The following AGBL1 variants were observed in gnomAD, a reference collection of about 807,000 sequenced individuals.
The protein encoded by AGBL1 is cytosolic carboxypeptidase 4.
Under a neutral mutation model 118.9 loss-of-function variants are expected in AGBL1, and 130 were observed. That is an observed-to-expected ratio of 1.09 (90% CI 0.95 to 1.26). AGBL1 has a LOEUF of 1.26. Among genes scored for constraint, AGBL1 ranks in the 50% most tolerant of loss-of-function variants. AGBL1 has a pLI of 0.00. For missense variants in AGBL1, 1,584 were observed against 1,298.1 expected (o/e 1.22, Z -3.38); for synonymous variants, 555 against 478.9 (o/e 1.16, Z -2.08).
intron 22 of AGBL1, among the ~76,000 whole-genome samples, chr15:86,711,026 C>T (rs576964140): frequency 1.3e-5 from 2 of 152,166 alleles, no homozygotes; most frequent in African/African-American, 4.8e-5. Flanking sequence ...CTCACTAGAT[C>T]TAGACCCTAG....
chr15:86,731,051 A>C (rs139304829), intron 22 of AGBL1, among the ~76,000 whole-genome samples: 3 of 152,132 alleles, frequency 2.0e-5, no homozygotes, highest in African/African-American at 7.2e-5. Flanking sequence ...GGCTGGTCTC[A>C]AACTCCTGAC....
intron 19 of AGBL1, among the ~76,000 whole-genome samples, chr15:86,539,335 C>T (rs1269691785): frequency 1.3e-5 from 2 of 152,182 alleles, no homozygotes; most frequent in East Asian, 3.9e-4. Context: ...TCCATTGTCT[C>T]TAACTCCTGT....
intron 22 of AGBL1, among the ~76,000 whole-genome samples, chr15:86,679,358 G>T (rs531952826): frequency 6.6e-6 from 1 of 152,014 alleles, no homozygotes; most frequent in African/African-American, 2.4e-5. Context: ...TAAAAAATGT[G>T]TATTTTTCAC....
rs556003679 is a variant in AGBL1 at position 86,899,416 on chromosome 15, A to G, written c.3159-7671A>G. Among the ~76,000 whole-genome samples, 4 of 152,300 alleles carry G rather than the reference A, an allele frequency of 2.6e-5. No individual in the cohort carries two copies. The South Asian group carries it at 8.3e-4, about 32-fold the overall frequency. On this transcript the variant is annotated intron_variant, in intron 22 of 22. Coordinates refer to ENST00000614907, the MANE Select transcript of AGBL1 (RefSeq NM_001386094.1). ...GGTGGGGAGGAGGGAGAGGAGCAGAAAAGAGAACTATTGGGTACTGGCTTA... is the reference window on the plus strand; with the variant it reads ...GGTGGGGAGGAGGGAGAGGAGCAGAGAAGAGAACTATTGGGTACTGGCTTA...
chr15:86,953,217 T>C (rs1424006121), intron 23 of AGBL1, among the ~76,000 whole-genome samples: 2 of 152,204 alleles, frequency 1.3e-5, no homozygotes, highest in East Asian at 3.9e-4. Flanking sequence ...ATTGGTAGTG[T>C]GATAGGAACA....
intron 22 of AGBL1, among the ~76,000 whole-genome samples, chr15:86,709,073 C>T (rs753556312): frequency 1.2e-4 from 18 of 152,132 alleles, no homozygotes; most frequent in Non-Finnish European, 1.9e-4. Context: ...CACTTCACTA[C>T]GTCAAGATTA....
chr15:86,600,400 A>G (rs1196586447), intron 21 of AGBL1, among the ~76,000 whole-genome samples: 3 of 152,310 alleles, frequency 2.0e-5, no homozygotes, highest in Middle Eastern at 3.4e-3. Flanking sequence ...ATGGTACCAA[A>G]ATACCACTAC....
At chr15:86,983,541 A>G (rs950592183) in intron 23 of AGBL1, among the ~76,000 whole-genome samples, 4 of 152,122 alleles carry the variant, frequency 2.6e-5, no homozygotes, top group Non-Finnish European at 5.9e-5. Flanking sequence ...ATTTTTAAAA[A>G]CTCAGCTTTA....
intron 4 of AGBL1, among the ~76,000 whole-genome samples, chr15:86,155,894 A>G (rs946296121): frequency 2.0e-5 from 3 of 152,066 alleles, no homozygotes; most frequent in African/African-American, 7.2e-5. Flanking sequence ...TAAACAAAAG[A>G]AATGTATTTT....
At chr15:86,351,100 T>A (rs1205306055) in intron 17 of AGBL1, among the ~76,000 whole-genome samples, 1 of 152,176 alleles carries the variant, frequency 6.6e-6, no homozygotes, top group Non-Finnish European at 1.5e-5. Flanking sequence ...GCTGCTAGGC[T>A]AGGTAATTTA....
At chr15:86,310,604 G>A (rs1422035414) in intron 17 of AGBL1, among the ~76,000 whole-genome samples, 5 of 152,076 alleles carry the variant, frequency 3.3e-5, no homozygotes, top group African/African-American at 1.2e-4. Context: ...CTGTTCACTG[G>A]ATCTCAGGGG....
At chr15:86,556,487 C>A (rs911440919) in intron 21 of AGBL1, among the ~76,000 whole-genome samples, 4 of 152,182 alleles carry the variant, frequency 2.6e-5, no homozygotes, top group African/African-American at 9.7e-5. Flanking sequence ...CCTGTCCTTA[C>A]AAACATTGTT....
intron 22 of AGBL1, among the ~76,000 whole-genome samples, chr15:86,793,978 T>A (rs972001714): frequency 3.3e-5 from 5 of 152,160 alleles, no homozygotes; most frequent in Non-Finnish European, 5.9e-5. Flanking sequence ...ACAGAGAAAC[T>A]GGAAACTTAA....
intron 1 of AGBL1, among the ~76,000 whole-genome samples, chr15:86,127,532 C>T (rs994576936): frequency 1.3e-5 from 2 of 152,282 alleles, no homozygotes; most frequent in South Asian, 4.1e-4. Context: ...ATGGCATCCA[C>T]CAAAAGCAGG....
rs1369940678 is a variant in AGBL1 at position 86,746,328 on chromosome 15, C to A, written c.3158+71892C>A. On this transcript the variant is annotated intron_variant, in intron 22 of 22. Transcript: ENST00000614907. ...TTCAAACATGACATATGTCTCTTGC[C>A]TCTGAGCCTTTAACCTTGCTATTCC... Among the ~76,000 whole-genome samples, 8 of 152,232 alleles carry A rather than the reference C, an allele frequency of 5.3e-5. No individual in the cohort carries two copies. The East Asian group carries it at 1.4e-3, about 26-fold the overall frequency.
Position 86,984,364 on chromosome 15 carries a change from T to TC in AGBL1, c.3222-3623_3222-3622insC, listed in dbSNP as rs796109885. Among the ~76,000 whole-genome samples the TC allele has an allele frequency of 7.0e-3, 512 of 73,010 alleles. 3 individuals carry two copies. The highest frequency in any genetic ancestry group is 0.032 in the African/African-American group (494 of 15,336). 47.9% of individuals were successfully genotyped at this position (73,010 alleles called of 152,430 possible). A position where few individuals can be genotyped will look rare whatever the true frequency, so the allele number is the denominator to read the frequency against. ...AGATTGTTTTCCATTTTTTTCTCTCTTTTTTTTTTTTTTTCCTGGAGACAG... is the reference window on the plus strand; with the variant it reads ...AGATTGTTTTCCATTTTTTTCTCTCTCTTTTTTTTTTTTTTCCTGGAGACAG... On this transcript the variant is annotated intron_variant, in intron 23 of 24. Coordinates refer to the AGBL1 transcript ENST00000441037.
chr15:86,119,572 G>A (rs1405102538), intron 1 of AGBL1, among the ~76,000 whole-genome samples: 1 of 152,122 alleles, frequency 6.6e-6, no homozygotes, highest in Non-Finnish European at 1.5e-5. Flanking sequence ...GGGCCAGTGG[G>A]GAGGTTAAAA....
chr15:86,105,494 C>T (rs919767150), intron 1 of AGBL1, among the ~76,000 whole-genome samples: 1 of 152,148 alleles, frequency 6.6e-6, no homozygotes, highest in Non-Finnish European at 1.5e-5. Flanking sequence ...GAATTTGGAC[C>T]AGGAGGCTTC....
At chr15:86,632,640 T>C (rs892574099) in intron 21 of AGBL1, among the ~76,000 whole-genome samples, 5 of 151,912 alleles carry the variant, frequency 3.3e-5, no homozygotes, top group African/African-American at 9.7e-5. Context: ...GTTTTTTTTT[T>C]TTTTTCTTTT....
Sources: gnomAD v4.1 joint callset for allele counts (sites outside exome capture counted in the v4.1 genomes callset) on GRCh38, gnomAD v4.1.1 for gene constraint, MANE v1.5 for transcripts, NCBI Gene and HGNC (gene_info 2026-07-23, HGNC 2026-07-21) for gene names.